The following RCAN2 variants were observed in gnomAD, a reference collection of about 807,000 sequenced individuals.
The protein encoded by RCAN2 is calcipressin-2.
In RCAN2, 9 loss-of-function variants were observed where a neutral mutation model predicts 23.6. The observed-to-expected ratio is 0.38, with a 90% CI of 0.23 to 0.67. The LOEUF (loss-of-function observed/expected upper bound fraction) is 0.67. Among genes scored for constraint, RCAN2 ranks in the 30% least tolerant of loss-of-function variants. RCAN2 has a pLI of 0.51. For missense variants in RCAN2, 273 were observed against 302.3 expected (o/e 0.90, Z 0.72); for synonymous variants, 109 against 115.7 (o/e 0.94, Z 0.37).
At chr6:46,489,641 GAGAA>G (rs1470813715) in intron 1 of RCAN2, among the ~76,000 whole-genome samples, 2 of 152,342 alleles carry the variant, frequency 1.3e-5, no homozygotes, top group Admixed American at 6.5e-5. Flanking sequence ...TTCATCACTG[GAGAA>G]AGAGTCATGC....
At chr6:46,321,319 G>C (rs953033978) in intron 2 of RCAN2, among the ~76,000 whole-genome samples, 1 of 152,168 alleles carries the variant, frequency 6.6e-6, no homozygotes, top group South Asian at 2.1e-4. Context: ...TCTCATGTTA[G>C]AATATATGCT....
intron 2 of RCAN2, among the ~76,000 whole-genome samples, chr6:46,343,582 A>G (rs907145436): frequency 2.0e-5 from 3 of 152,020 alleles, no homozygotes; most frequent in Non-Finnish European, 4.4e-5. Context: ...TCACTGTGTT[A>G]GCCAGGATGA....
At chr6:46,486,742 T>G (rs532495477) in intron 1 of RCAN2, among the ~76,000 whole-genome samples, 1 of 152,188 alleles carries the variant, frequency 6.6e-6, no homozygotes, top group Non-Finnish European at 1.5e-5. Context: ...AAGTTGAATA[T>G]AGAAGATCAG....
intron 1 of RCAN2, among the ~76,000 whole-genome samples, chr6:46,484,804 T>C (rs1035107712): frequency 6.6e-6 from 1 of 152,188 alleles, no homozygotes; most frequent in Non-Finnish European, 1.5e-5. Flanking sequence ...CACCCACTCA[T>C]CTTCAACTCC....
At chr6:46,480,888 C>T (rs554640231) in intron 1 of RCAN2, among the ~76,000 whole-genome samples, 1 of 152,320 alleles carries the variant, frequency 6.6e-6, no homozygotes, top group South Asian at 2.1e-4. Context: ...TCCCAAAGTG[C>T]TGGGATTACA....
At chr6:46,406,424 C>A (rs139307106) in intron 2 of RCAN2, among the ~76,000 whole-genome samples, 425 of 152,356 alleles carry the variant, frequency 2.8e-3, no homozygotes, top group African/African-American at 9.5e-3. Flanking sequence ...TAAGTTCTGG[C>A]AGCTATTTTT....
chr6:46,329,916 A>G (rs2799365), intron 2 of RCAN2, among the ~76,000 whole-genome samples: 129,591 of 152,130 alleles, frequency 0.85, 56,573 homozygotes, highest in Non-Finnish European at 0.95. Flanking sequence ...CAGCAGGAGG[A>G]GATGCACACC....
intron 2 of RCAN2, among the ~76,000 whole-genome samples, chr6:46,408,197 T>C (rs1044584947): frequency 6.6e-6 from 1 of 152,170 alleles, no homozygotes; most frequent in African/African-American, 2.4e-5. Context: ...ATGCTCCTAT[T>C]ACTTCCCTGC....
At chr6:46,291,144 G>A (rs996530124) in intron 2 of RCAN2, among the ~76,000 whole-genome samples, 1 of 152,134 alleles carries the variant, frequency 6.6e-6, no homozygotes, top group Non-Finnish European at 1.5e-5. Context: ...GGAAGCTTCC[G>A]TGATGAAATA....
chr6:46,374,727 A>G (rs1765413524), intron 2 of RCAN2, among the ~76,000 whole-genome samples: 1 of 152,194 alleles, frequency 6.6e-6, no homozygotes, highest in Admixed American at 6.5e-5. Context: ...TTTGCTCTAC[A>G]CAGTCCAGGA....
intron 2 of RCAN2, among the ~76,000 whole-genome samples, chr6:46,401,169 T>C (rs1327169924): frequency 6.6e-6 from 1 of 152,184 alleles, no homozygotes; most frequent in Non-Finnish European, 1.5e-5. Context: ...TTACTGCTTC[T>C]TCTGTTCACT....
chr6:46,323,700 C>A (rs1025100342), intron 2 of RCAN2, among the ~76,000 whole-genome samples: 2 of 152,226 alleles, frequency 1.3e-5, no homozygotes, highest in African/African-American at 4.8e-5. Context: ...CACTCACATA[C>A]AACCAGCTGT....
chr6:46,313,490 AGCC>A (rs1763330960), intron 2 of RCAN2, among the ~76,000 whole-genome samples: 1 of 152,254 alleles, frequency 6.6e-6, no homozygotes, highest in East Asian at 1.9e-4. Flanking sequence ...TATATCCCAT[AGCC>A]TTCAACCTAA....
At chr6:46,383,155 G>A (rs1184102039) in intron 2 of RCAN2, among the ~76,000 whole-genome samples, 3 of 149,110 alleles carry the variant, frequency 2.0e-5, no homozygotes, top group Non-Finnish European at 4.4e-5. Flanking sequence ...GAAAAGATTC[G>A]TGCAGCCTGG....
chr6:46,230,546 G>C (rs1765847152), intron 4 of RCAN2, among the ~76,000 whole-genome samples: 1 of 152,190 alleles, frequency 6.6e-6, no homozygotes, highest in Non-Finnish European at 1.5e-5. Context: ...AGCAGTGAGT[G>C]AGGCTCCATG....
intron 4 of RCAN2, among the ~76,000 whole-genome samples, chr6:46,229,763 C>T (rs1765812668): frequency 6.6e-6 from 1 of 152,204 alleles, no homozygotes; most frequent in Non-Finnish European, 1.5e-5. Context: ...CATCTGAAGC[C>T]TTCTTCTCTC....
chr6:46,295,910 T>C (rs1026348931), intron 2 of RCAN2, among the ~76,000 whole-genome samples: 2 of 150,160 alleles, frequency 1.3e-5, no homozygotes, highest in African/African-American at 2.5e-5. Flanking sequence ...TCAATGAAAG[T>C]GGAAGGATGG....
intron 2 of RCAN2, among the ~76,000 whole-genome samples, chr6:46,318,966 C>T (rs1256769643): frequency 2.6e-5 from 4 of 152,088 alleles, no homozygotes; most frequent in Non-Finnish European, 1.5e-5. Context: ...TAACTTTGTA[C>T]CTGCTCAAAA....
chr6:46,479,000 A>G (rs185158748), intron 1 of RCAN2, among the ~76,000 whole-genome samples: 104 of 152,356 alleles, frequency 6.8e-4, no homozygotes, highest in Non-Finnish European at 2.9e-4. Flanking sequence ...CTTGATAGAC[A>G]GGGCCAATTG....
Sources: gnomAD v4.1 joint callset for allele counts (sites outside exome capture counted in the v4.1 genomes callset) on GRCh38, gnomAD v4.1.1 for gene constraint, MANE v1.5 for transcripts, NCBI Gene and HGNC (gene_info 2026-07-23, HGNC 2026-07-21) for gene names.